The following KDM4C variants were observed in gnomAD, a reference collection of about 807,000 sequenced individuals.
KDM4C encodes the protein lysine demethylase 4C.
In KDM4C, 81 loss-of-function variants were observed where a neutral mutation model predicts 129.3. The observed-to-expected ratio is 0.63, with a 90% CI of 0.52 to 0.75. KDM4C has a LOEUF of 0.75. Among genes scored for constraint, KDM4C ranks in the 30% least tolerant of loss-of-function variants. The pLI, the probability that KDM4C is intolerant of heterozygous loss-of-function variation, is 0.00. For synonymous variants in KDM4C, 573 were observed against 456.1 expected (o/e 1.26, Z -3.26); for missense variants, 1,457 against 1,304.0 (o/e 1.12, Z -1.81).
chr9:7,064,197 G>A (rs1028932759), intron 17 of KDM4C, among the ~76,000 whole-genome samples: 8 of 152,182 alleles, frequency 5.3e-5, no homozygotes, highest in African/African-American at 1.9e-4. Flanking sequence ...ACTGAGATAC[G>A]TTATAAGTGT....
chr9:7,118,996 G>A (rs1839215954), intron 18 of KDM4C, among the ~76,000 whole-genome samples: 1 of 152,044 alleles, frequency 6.6e-6, no homozygotes, highest in Non-Finnish European at 1.5e-5. Context: ...TCTTGCCCTA[G>A]AGATTAACTG....
intron 8 of KDM4C, chr9:6,942,656 C>CTTTCT (rs1224835521): frequency 6.6e-6 from 1 of 152,184 alleles, no homozygotes; most frequent in African/African-American, 2.4e-5. Context: ...AACTGCAAGT[C>CTTTCT]TTTCTTTGTT....
intron 19 of KDM4C, among the ~76,000 whole-genome samples, chr9:7,148,715 T>C (rs1029107241): frequency 2.0e-5 from 3 of 152,196 alleles, no homozygotes; most frequent in Non-Finnish European, 2.9e-5. Flanking sequence ...AGAAAGGCTT[T>C]ATTGGATGAC....
At chr9:6,812,496 C>G (rs1349891781) in intron 3 of KDM4C, among the ~76,000 whole-genome samples, 6 of 152,248 alleles carry the variant, frequency 3.9e-5, no homozygotes, top group South Asian at 2.1e-4. Context: ...CGGGATGAAA[C>G]GGTCCTACCT....
intron 8 of KDM4C, among the ~76,000 whole-genome samples, chr9:6,934,449 G>A (rs113507367): frequency 1.3e-5 from 2 of 149,508 alleles, no homozygotes; most frequent in Non-Finnish European, 3.0e-5. Flanking sequence ...CACCGCACTC[G>A]AGACTGGGTG....
chr9:6,724,293 C>T (rs944511528), intron 1 of KDM4C, among the ~76,000 whole-genome samples: 1 of 152,074 alleles, frequency 6.6e-6, no homozygotes, highest in Non-Finnish European at 1.5e-5. Context: ...TGCCTGACAC[C>T]GCTGCCTGGT....
At chr9:6,805,426 A>G (rs558406185) in intron 2 of KDM4C, among the ~76,000 whole-genome samples, 173 bp from the exon 3 acceptor site, 12 of 151,286 alleles carry the variant, frequency 7.9e-5, no homozygotes, top group African/African-American at 2.7e-4. Context: ...AAATTTTGCT[A>G]TTGAATAACA....
chr9:7,100,249 G>T (rs894980794), intron 17 of KDM4C, among the ~76,000 whole-genome samples: 2 of 152,292 alleles, frequency 1.3e-5, no homozygotes, highest in African/African-American at 2.4e-5. Flanking sequence ...ACAAAGAATT[G>T]TCAGTGTCTC....
chr9:6,937,634 A>G (rs928435725), intron 8 of KDM4C, among the ~76,000 whole-genome samples: 5 of 152,102 alleles, frequency 3.3e-5, no homozygotes, highest in Non-Finnish European at 5.9e-5. Context: ...AACACTAGCT[A>G]CATAATAGAA....
chr9:7,038,121 T>G (rs960359374), intron 15 of KDM4C, among the ~76,000 whole-genome samples: 3 of 152,116 alleles, frequency 2.0e-5, no homozygotes, highest in African/African-American at 7.2e-5. Flanking sequence ...AATTTTCATC[T>G]AATTAAAAGA....
At chr9:6,770,767 CT>C (rs753670348) in intron 1 of KDM4C, among the ~76,000 whole-genome samples, 1,134 of 81,744 alleles carry the variant, frequency 0.014, 11 homozygotes, top group African/African-American at 0.045. Flanking sequence ...GATTTTGATC[CT>C]TTTTTTTTTT....
In KDM4C at chr9:6,923,942, T is replaced by C. The variant is rs559721008; in HGVS notation, c.921+30710T>C. Among the ~76,000 whole-genome samples the C allele has an allele frequency of 3.9e-5, 6 of 152,294 alleles. No homozygotes were observed. In the East Asian group the frequency reaches 1.2e-3, roughly 29 times the overall value. ...CCGATGCTTATGGCTGCTGCAGCCT[T>C]TCAGGTGGGGCATGGGATTCTTCTT... is the stretch of plus-strand genomic sequence containing the variant. On this transcript the variant is annotated intron_variant, in intron 8 of 21. Transcript: ENST00000381309.
At chr9:6,799,578 G>A (rs1828518269) in intron 2 of KDM4C, among the ~76,000 whole-genome samples, 1 of 151,634 alleles carries the variant, frequency 6.6e-6, no homozygotes, top group Non-Finnish European at 1.5e-5. Context: ...GGAGAGGGAT[G>A]AGAGGGAGAC....
At chr9:7,136,070 G>A (rs749472276) in intron 19 of KDM4C, among the ~76,000 whole-genome samples, 14 of 152,192 alleles carry the variant, frequency 9.2e-5, no homozygotes, top group South Asian at 4.1e-4. Context: ...AAGAAGTCAC[G>A]TTGAGGAAGA....
chr9:7,052,255 T>C (rs991107146), intron 17 of KDM4C, among the ~76,000 whole-genome samples: 3 of 152,212 alleles, frequency 2.0e-5, no homozygotes, highest in Non-Finnish European at 2.9e-5. Flanking sequence ...ATAATCTCAT[T>C]TAACAATTTA....
At chr9:6,936,792 A>G (rs900460829) in intron 8 of KDM4C, among the ~76,000 whole-genome samples, 7 of 152,330 alleles carry the variant, frequency 4.6e-5, no homozygotes, top group African/African-American at 1.4e-4. Context: ...CCTAATAACT[A>G]TGTGCCCTTA....
chr9:6,917,256 G>T (rs1820481200), intron 8 of KDM4C, among the ~76,000 whole-genome samples: 1 of 131,142 alleles, frequency 7.6e-6, no homozygotes, highest in Admixed American at 7.5e-5. Context: ...TCAGTTTCAG[G>T]CATGCCTTCC....
At chr9:7,025,186 C>G (rs1825603054) in intron 15 of KDM4C, among the ~76,000 whole-genome samples, 2 of 152,120 alleles carry the variant, frequency 1.3e-5, no homozygotes, top group South Asian at 4.1e-4. Flanking sequence ...TACTCCAGCT[C>G]TTTTTTGCTT....
chr9:7,121,716 G>T (rs191223400), intron 18 of KDM4C, among the ~76,000 whole-genome samples: 1 of 151,984 alleles, frequency 6.6e-6, no homozygotes. Context: ...ATCCAACCCT[G>T]TGGATATATT....
Sources: gnomAD v4.1 joint callset for allele counts (sites outside exome capture counted in the v4.1 genomes callset) on GRCh38, gnomAD v4.1.1 for gene constraint, MANE v1.5 for transcripts, NCBI Gene and HGNC (gene_info 2026-07-23, HGNC 2026-07-21) for gene names.